PTGFRN: variants seen among roughly 807,000 people sequenced by gnomAD.
PTGFRN encodes prostaglandin F2 receptor negative regulator.
A neutral mutation model predicts 83.2 loss-of-function variants in PTGFRN; 35 were observed. The observed-to-expected ratio is 0.42, with a 90% CI of 0.32 to 0.56. The LOEUF (loss-of-function observed/expected upper bound fraction) is 0.56, where lower values mean the gene tolerates loss of function less well. PTGFRN is among the 20% of genes least tolerant of loss of function. PTGFRN has a pLI of 0.11. For missense variants in PTGFRN, 1,051 were observed against 1,179.5 expected (o/e 0.89, Z 1.60); for synonymous variants, 519 against 498.6 (o/e 1.04, Z -0.55).
intron 1 of PTGFRN, among the ~76,000 whole-genome samples, chr1:116,915,970 T>A (rs755780844): frequency 1.3e-5 from 2 of 152,230 alleles, no homozygotes; most frequent in Non-Finnish European, 2.9e-5. Context: ...TCTTGGACTA[T>A]TTCTCCCCAC....
intron 1 of PTGFRN, among the ~76,000 whole-genome samples, chr1:116,929,758 G>A (rs1570649234): frequency 2.6e-5 from 4 of 152,146 alleles, no homozygotes. Flanking sequence ...CAGTTTTCTT[G>A]CAGGCAGGGA....
In PTGFRN at chr1:116,967,248, C is replaced by G; in HGVS notation, c.1977C>G (p.Ala659=). 6.2e-7 allele frequency: 1 copy of G among 1,614,220 alleles called. No individual in the cohort carries two copies. Among genetic ancestry groups the G allele is most frequent in the Non-Finnish European group, 8.5e-7 (1 of 1,180,038 alleles). The change falls in exon 6 of 9, where the codon GCC becomes GCG. Residue 659 remains alanine (A), a synonymous_variant. Coordinates refer to ENST00000393203, the MANE Select transcript of PTGFRN (RefSeq NM_020440.4). ...GGCTGTACCGCTGCATGGTGACAGC[C>G]TGGTCTCCTGTCAGGGGCAGCCTTT... ...DAGLYRCMVT[A]WSPVRGSLWR...
chr1:116,950,686 G>C (rs1171040661), intron 4 of PTGFRN, among the ~76,000 whole-genome samples: 2 of 152,008 alleles, frequency 1.3e-5, no homozygotes, highest in Non-Finnish European at 2.9e-5. Flanking sequence ...GCAAAGATGG[G>C]GAGTTGGCCA....
chr1:116,961,436 G>C lies in PTGFRN; in HGVS notation c.1407G>C (p.Gly469=). The change falls in exon 5 of 9, where the codon GGG becomes GGC. Residue 469 remains glycine, a synonymous_variant. Coordinates refer to ENST00000393203, the MANE Select transcript of PTGFRN (RefSeq NM_020440.4). The surrounding 1 kb of genome is among the most constrained non-coding windows in gnomAD (Gnocchi z 5.4). ...GCGAGCTGCTTGCAGTCATGGACGG[G>C]GACTGGACGCTAAAATATGGAGAGA... The part of the protein sequence containing the change: ...VTSELLAVMD[G]DWTLKYGERS... The C allele has an allele frequency of 6.2e-7, 1 of 1,614,146 alleles. No homozygotes were observed.
chr1:116,934,087 C>T (rs1649863106), intron 1 of PTGFRN, among the ~76,000 whole-genome samples: 3 of 152,014 alleles, frequency 2.0e-5, no homozygotes, highest in South Asian at 2.1e-4. Flanking sequence ...TTTTTATACC[C>T]TGGGCTTCAG....
intron 1 of PTGFRN, among the ~76,000 whole-genome samples, chr1:116,917,481 G>A (rs540575348): frequency 6.6e-6 from 1 of 152,284 alleles, no homozygotes; most frequent in Non-Finnish European, 1.5e-5. Context: ...AGCCAGAGAG[G>A]AGGGAAGGGA....
intron 1 of PTGFRN, among the ~76,000 whole-genome samples, chr1:116,925,845 G>A (rs528350842): frequency 4.5e-4 from 69 of 152,270 alleles, no homozygotes; most frequent in African/African-American, 1.4e-3. Context: ...CACACAGTAG[G>A]CGTGCAGCAA....
chr1:116,937,394 T>G (rs914552418), intron 1 of PTGFRN, among the ~76,000 whole-genome samples: 2 of 152,200 alleles, frequency 1.3e-5, no homozygotes, highest in Non-Finnish European at 2.9e-5. Context: ...AGAACAAGAA[T>G]GGAAGCCAGG....
At chr1:116,946,571 A>G (rs1235581799) in intron 3 of PTGFRN, among the ~76,000 whole-genome samples, 3 of 152,210 alleles carry the variant, frequency 2.0e-5, no homozygotes, top group African/African-American at 7.2e-5. Flanking sequence ...TTTTGTTTCA[A>G]ACACACCATG....
At chr1:116,922,652 G>A (rs1395968570) in intron 1 of PTGFRN, among the ~76,000 whole-genome samples, 3 of 152,194 alleles carry the variant, frequency 2.0e-5, no homozygotes, top group Non-Finnish European at 4.4e-5. Flanking sequence ...CAGGCTGAAA[G>A]GTAGTTATCA....
intron 1 of PTGFRN, among the ~76,000 whole-genome samples, chr1:116,911,135 AAT>A (rs1171752067): frequency 6.6e-6 from 1 of 151,874 alleles, no homozygotes; most frequent in Non-Finnish European, 1.5e-5. Context: ...CAGCCACGGA[AAT>A]ATGTTTATTA....
chr1:116,963,349 A>G (rs1032153472), intron 5 of PTGFRN, among the ~76,000 whole-genome samples: 2 of 152,086 alleles, frequency 1.3e-5, no homozygotes, highest in Admixed American at 6.5e-5. Flanking sequence ...CCTGCTTCCT[A>G]TTCTCCTAAA....
rs773030487 is a variant in PTGFRN at position 116,961,570 on chromosome 1, A to C, written c.1541A>C (p.Tyr514Ser). The part of the protein sequence containing the change: ...RTTEEDRGNY[Y>S]CVVSAWTKQR... The stretch of plus-strand genomic sequence containing the variant: ...ACAGAGGAAGACAGAGGCAATTATT[A>C]CTGTGTTGTGTCTGCCTGGACCAAA... The change falls in exon 5 of 9, where the codon TAC becomes TCC. Residue 514 changes from tyrosine (Y) to serine (S), a missense_variant. By Grantham distance (144) the Tyr-to-Ser change is moderately radical. This residue lies in a region of PTGFRN where 719 missense variants were observed against 836.6 expected (regional missense o/e 0.86). Transcript: ENST00000393203. This position sits in a 1 kb window ranked among gnomAD's most constrained non-coding sequence, Gnocchi z 5.4. 1 of 1,614,166 alleles carries C rather than the reference A, an allele frequency of 6.2e-7. No individual in the cohort carries two copies. The highest frequency in any genetic ancestry group is 8.5e-7 in the Non-Finnish European group (1 of 1,180,036).
intron 1 of PTGFRN, among the ~76,000 whole-genome samples, chr1:116,935,407 G>A (rs1649896799): frequency 6.6e-6 from 1 of 152,042 alleles, no homozygotes. Context: ...GGACCCTTGA[G>A]CCTGGCTGCC....
At position 116,966,994 on chromosome 1, in the gene PTGFRN, TC is replaced by T. The variant is rs1364938894; in HGVS notation, c.1725del (p.Lys576ArgfsTer39). ...NTFEMTCKVS[S>X]KNIKSPRYSV... is the part of the protein sequence containing the mutation. ...ATTTGAGATGACTTGCAAAGTATCT[TC>T]CAAGAATATTAAGTCGCCACGCTAC... On this transcript the variant is annotated frameshift_variant, in exon 6 of 9. Transcript: ENST00000393203. LOFTEE classifies it high-confidence loss of function. 6.2e-7 allele frequency: 1 copy of T among 1,614,016 alleles called. No individual in the cohort carries two copies. Among genetic ancestry groups the T allele is most frequent in the Non-Finnish European group, 8.5e-7 (1 of 1,179,998 alleles).
At chr1:116,964,761 C>T (rs1190451604) in intron 5 of PTGFRN, among the ~76,000 whole-genome samples, 1 of 152,222 alleles carries the variant, frequency 6.6e-6, no homozygotes, top group Non-Finnish European at 1.5e-5. Flanking sequence ...TCTCTTCTCC[C>T]AGCTTTCTCC....
In PTGFRN at chr1:116,987,343, A is replaced by G. The variant is rs55948695; in HGVS notation, c.*376A>G. 13,593 of 212,006 alleles carry G rather than the reference A, an allele frequency of 0.064. 536 individuals are homozygous for G. The highest frequency in any genetic ancestry group is 0.08 in the Non-Finnish European group (8,374 of 104,534). The allele number at this position is 212,006 out of a possible 1,614,324, so 13.1% of individuals were successfully genotyped here. ...GGGGTGATGGCATGCGGAGTTCTTT[A>G]TCTTCAGTGAGAATGTGCCTGCCCG... On this transcript the variant is annotated 3_prime_UTR_variant, in exon 9 of 9. Coordinates refer to ENST00000393203, the MANE Select transcript of PTGFRN (RefSeq NM_020440.4).
At chr1:116,963,736 C>T (rs578091937) in intron 5 of PTGFRN, among the ~76,000 whole-genome samples, 2 of 150,916 alleles carry the variant, frequency 1.3e-5, no homozygotes, top group Admixed American at 1.3e-4. Flanking sequence ...GCCTCCCGAG[C>T]GGTTGGGACT....
Position 116,949,367 on chromosome 1 carries a change from T to G in PTGFRN, c.1008T>G (p.Arg336=). 1 of 1,614,242 alleles carries G rather than the reference T, an allele frequency of 6.2e-7. No homozygotes were observed. Among genetic ancestry groups the G allele is most frequent in the Non-Finnish European group, 8.5e-7 (1 of 1,180,050 alleles). ...CCCGCGTGTTGGCGCGGCTTGACCG[T>G]GATTCCCTGGTGCACAGCTCGCCTC... ...PGSRVLARLD[R]DSLVHSSPHV... The change falls in exon 4 of 9, where the codon CGT becomes CGG. Residue 336 remains arginine (R), a synonymous_variant. Coordinates refer to ENST00000393203, the MANE Select transcript of PTGFRN (RefSeq NM_020440.4).
Sources: gnomAD v4.1 joint callset for allele counts (sites outside exome capture counted in the v4.1 genomes callset) on GRCh38, gnomAD v4.1.1 for gene constraint, gnomAD v4.1.1 regional missense constraint, Gnocchi (gnomAD v3.1) non-coding constraint, MANE v1.5 for transcripts, NCBI Gene and HGNC (gene_info 2026-07-23, HGNC 2026-07-21) for gene names.